The following PLCG2 variants were observed in gnomAD, a reference collection of about 807,000 sequenced individuals.
The protein encoded by PLCG2 is 1-phosphatidylinositol 4,5-bisphosphate phosphodiesterase gamma-2.
Under a neutral mutation model 175.6 loss-of-function variants are expected in PLCG2, and 69 were observed. That is an observed-to-expected ratio of 0.39 (90% CI 0.32 to 0.48). The LOEUF (loss-of-function observed/expected upper bound fraction) is 0.48. Among genes scored for constraint, PLCG2 ranks in the 20% least tolerant of loss-of-function variants. PLCG2 has a pLI of 0.91. For missense variants in PLCG2, 1,798 were observed against 1,650.9 expected (o/e 1.09, Z -1.54); for synonymous variants, 827 against 624.0 (o/e 1.33, Z -4.85).
At chr16:81,944,217 G>C (rs1431507085) in intron 30 of PLCG2, among the ~76,000 whole-genome samples, 1 of 152,172 alleles carries the variant, frequency 6.6e-6, no homozygotes, top group Non-Finnish European at 1.5e-5. Flanking sequence ...AAGATGGATT[G>C]ATGGGTAGAT....
At chr16:81,823,302 C>G (rs1318156236) in intron 2 of PLCG2, among the ~76,000 whole-genome samples, 1 of 152,226 alleles carries the variant, frequency 6.6e-6, no homozygotes, top group South Asian at 2.1e-4. Context: ...GCAGCTGCAG[C>G]AGAGAGGCTT....
chr16:81,902,945 C>G (rs776043987), intron 14 of PLCG2, among the ~76,000 whole-genome samples: 5 of 152,172 alleles, frequency 3.3e-5, no homozygotes, highest in Non-Finnish European at 2.9e-5. Context: ...ACAAGAACAG[C>G]ACGTGAAAGG....
intron 20 of PLCG2, 50 bp from the exon 21 acceptor site, chr16:81,921,148 T>A (rs778084776): frequency 7.1e-6 from 8 of 1,119,558 alleles, no homozygotes. Context: ...ATGTAAGGGC[T>A]ATTCCAGGAG....
intron 2 of PLCG2, among the ~76,000 whole-genome samples, chr16:81,810,749 T>C (rs1904310979): frequency 6.6e-6 from 1 of 152,132 alleles, no homozygotes; most frequent in Non-Finnish European, 1.5e-5. Context: ...TCAGTGACTA[T>C]CTATGGATCA....
upstream of PLCG2, among the ~76,000 whole-genome samples, chr16:81,777,478 C>G (rs796885250): frequency 4.0e-5 from 6 of 151,456 alleles, no homozygotes; most frequent in African/African-American, 1.5e-4. Flanking sequence ...AGGAATTGCC[C>G]CTAGATGTAG....
At position 81,950,845 on chromosome 16, in the gene PLCG2, G is replaced by A. The variant is rs183010522; in HGVS notation, c.3570+4582G>A. On this transcript the variant is annotated intron_variant, in intron 31 of 32. Coordinates refer to ENST00000564138, the MANE Select transcript of PLCG2 (RefSeq NM_002661.5). ...TTAAAACTTCACAAAGAATGAAGAC[G>A]TATGTACTACTAAGTATTCATCTTC... Among the ~76,000 whole-genome samples the A allele has an allele frequency of 5.1e-4, 78 of 152,246 alleles. No individual in the cohort carries two copies. The South Asian group carries it at 7.7e-3, about 15-fold the overall frequency.
At chr16:81,785,748 A>G (rs1597317269) in intron 1 of PLCG2, 195 bp from the exon 2 acceptor site, 2 of 426,298 alleles carry the variant, frequency 4.7e-6, no homozygotes, top group East Asian at 9.0e-5. Flanking sequence ...CTCTTCTCAC[A>G]CTTCAGTTTC....
intron 7 of PLCG2, among the ~76,000 whole-genome samples, chr16:81,875,854 A>T (rs1165065558): frequency 2.0e-5 from 3 of 152,216 alleles, no homozygotes; most frequent in East Asian, 3.9e-4. Flanking sequence ...CGGATTTTAC[A>T]TGGGTGTGAG....
chr16:81,829,615 A>C (rs1283442443), intron 2 of PLCG2, among the ~76,000 whole-genome samples: 1 of 152,266 alleles, frequency 6.6e-6, no homozygotes, highest in Non-Finnish European at 1.5e-5. Flanking sequence ...TTGGACTTTA[A>C]CAGTTTCTCC....
At chr16:81,783,393 T>C (rs989739303) in intron 1 of PLCG2, among the ~76,000 whole-genome samples, 5 of 152,240 alleles carry the variant, frequency 3.3e-5, no homozygotes, top group African/African-American at 1.2e-4. Context: ...GCCATGTTGG[T>C]GTGCTGCACC....
chr16:81,800,874 G>A (rs939215004), intron 2 of PLCG2, among the ~76,000 whole-genome samples: 1 of 152,114 alleles, frequency 6.6e-6, no homozygotes, highest in Non-Finnish European at 1.5e-5. Flanking sequence ...AAATCACAAA[G>A]GTCCTTGCAG....
chr16:81,899,558 G>C (rs1359981504), intron 13 of PLCG2, among the ~76,000 whole-genome samples: 1 of 152,102 alleles, frequency 6.6e-6, no homozygotes, highest in African/African-American at 2.4e-5. Context: ...GCAAAGCAGC[G>C]CTCCCCTTCC....
At chr16:81,882,758 C>T (rs1437677375) in intron 8 of PLCG2, among the ~76,000 whole-genome samples, 3 of 152,034 alleles carry the variant, frequency 2.0e-5, no homozygotes, top group Admixed American at 6.6e-5. Flanking sequence ...TTGCTCACCC[C>T]ACCTCATTCT....
chr16:81,774,816 C>A (rs1327967610), upstream of PLCG2, among the ~76,000 whole-genome samples: 1 of 151,850 alleles, frequency 6.6e-6, no homozygotes, highest in Non-Finnish European at 1.5e-5. Flanking sequence ...TCTCGGCTCA[C>A]TGCCTGCAAC....
chr16:81,878,627 C>G (rs1026316744), intron 7 of PLCG2, among the ~76,000 whole-genome samples: 1 of 152,186 alleles, frequency 6.6e-6, no homozygotes, highest in Non-Finnish European at 1.5e-5. Context: ...CGTCTTGTTT[C>G]CATCCCTGCC....
chr16:81,892,715 T>A (rs1908693778), intron 11 of PLCG2, among the ~76,000 whole-genome samples: 1 of 152,192 alleles, frequency 6.6e-6, no homozygotes, highest in Non-Finnish European at 1.5e-5. Flanking sequence ...CGGGTCAACT[T>A]GTGTCATGGA....
At chr16:81,877,235 G>A (rs13331697) in intron 7 of PLCG2, among the ~76,000 whole-genome samples, 6,770 of 152,252 alleles carry the variant, frequency 0.044, 163 homozygotes, top group African/African-American at 0.053. Context: ...CGGGCGGATC[G>A]CGAGGTCAGG....
chr16:81,932,774 C>G (rs1910557002), intron 25 of PLCG2, among the ~76,000 whole-genome samples: 4 of 152,210 alleles, frequency 2.6e-5, no homozygotes. Context: ...TTCTCTGACC[C>G]AGGAACTCCT....
intron 19 of PLCG2, among the ~76,000 whole-genome samples, chr16:81,916,256 A>ATT (rs201247651): frequency 2.0e-5 from 3 of 149,952 alleles, no homozygotes; most frequent in African/African-American, 7.4e-5. Context: ...AAAGCAATAT[A>ATT]TTTTTTTTTT....
Sources: gnomAD v4.1 joint callset for allele counts (sites outside exome capture counted in the v4.1 genomes callset) on GRCh38, gnomAD v4.1.1 for gene constraint, MANE v1.5 for transcripts, NCBI Gene and HGNC (gene_info 2026-07-23, HGNC 2026-07-21) for gene names.